The following CEP128 variants were observed in gnomAD, a reference collection of about 807,000 sequenced individuals.
CEP128 encodes the protein centrosomal protein 128, also known as centrosomal protein 128kDa.
Under a neutral mutation model 156.7 loss-of-function variants are expected in CEP128, and 132 were observed. The ratio of observed to expected loss-of-function variants is 0.84; its 90% CI spans 0.73 to 0.97. The LOEUF is 0.97. CEP128 is among the 50% of genes least tolerant of loss of function. The pLI, the probability that CEP128 is intolerant of heterozygous loss-of-function variation, is 0.00. For missense variants in CEP128, 1,252 were observed against 1,281.9 expected (o/e 0.98, Z 0.36); for synonymous variants, 469 against 448.9 (o/e 1.04, Z -0.57).
In CEP128 at chr14:80,916,534, G is replaced by A. The variant is rs1452369993; in HGVS notation, c.14C>T (p.Ser5Phe). MAES[S>F]SESDHFRCRD... ...ACAGCGGAAGTGATCTGATTCGCTGGATGATTCTGCCATTGATGTACACAA... is the reference window on the plus strand; with the variant it reads ...ACAGCGGAAGTGATCTGATTCGCTGAATGATTCTGCCATTGATGTACACAA... The change falls in exon 3 of 25, where the codon TCC (serine) becomes TTC (phenylalanine). Residue 5 changes from serine (S) to phenylalanine (F), a missense_variant. Ser to Phe is a radical substitution (Grantham distance 155). Coordinates refer to ENST00000555265, the MANE Select transcript of CEP128 (RefSeq NM_152446.5). The A allele has an allele frequency of 6.2e-7, 1 of 1,613,278 alleles. No individual in the cohort carries two copies. The highest frequency in any genetic ancestry group is 1.7e-5 in the Admixed American group (1 of 59,880).
In CEP128 at chr14:80,649,252, TC is replaced by T. The variant is rs369972643; in HGVS notation, c.2807-68830del. Among the ~76,000 whole-genome samples, 55 of 152,148 alleles carry T rather than the reference TC, an allele frequency of 3.6e-4. 1 individual carries two copies. In the East Asian group the frequency reaches 0.01, roughly 28 times the overall value. ...CTCCAATTTTATACCTTCGTCCTCT[TC>T]CCCACCCCTCCTTAACTTGTGGGTA... On this transcript the variant is annotated intron_variant, in intron 19 of 24. Transcript: ENST00000555265.
At chr14:80,644,298 C>T (rs368310771) in intron 19 of CEP128, among the ~76,000 whole-genome samples, 188 of 152,228 alleles carry the variant, frequency 1.2e-3, no homozygotes, top group African/African-American at 4.1e-3. Flanking sequence ...AACTGACATA[C>T]GATGTTTCTT....
At chr14:80,896,764 T>G (rs1221057981) in intron 7 of CEP128, among the ~76,000 whole-genome samples, 1 of 152,154 alleles carries the variant, frequency 6.6e-6, no homozygotes, top group East Asian at 1.9e-4. Context: ...ATCATTGATA[T>G]TTTCCTCCCA....
chr14:80,949,861 C>G (rs1210020845), intron 2 of CEP128, among the ~76,000 whole-genome samples: 3 of 151,988 alleles, frequency 2.0e-5, no homozygotes, highest in African/African-American at 7.3e-5. Flanking sequence ...AAAAATCAAC[C>G]AATCTAAACT....
chr14:80,605,615 A>C (rs1892744998), intron 19 of CEP128, among the ~76,000 whole-genome samples: 1 of 152,130 alleles, frequency 6.6e-6, no homozygotes, highest in African/African-American at 2.4e-5. Flanking sequence ...AAAAAAGAAC[A>C]AAGTGGATTT....
chr14:80,879,036 CA>C (rs1207408914), intron 8 of CEP128, among the ~76,000 whole-genome samples: 1 of 152,202 alleles, frequency 6.6e-6, no homozygotes, highest in African/African-American at 2.4e-5. Context: ...GTCACTACCA[CA>C]AATTCCTTCA....
chr14:80,923,306 C>A (rs1054913288), intron 2 of CEP128, among the ~76,000 whole-genome samples: 1 of 152,182 alleles, frequency 6.6e-6, no homozygotes, highest in African/African-American at 2.4e-5. Context: ...AATACTCCAA[C>A]TAGAGAGAGT....
intron 19 of CEP128, among the ~76,000 whole-genome samples, chr14:80,728,679 T>C (rs980673768): frequency 5.9e-5 from 9 of 152,184 alleles, no homozygotes; most frequent in Non-Finnish European, 1.2e-4. Context: ...TTGATTCTTA[T>C]TGTTAACGTA....
At chr14:80,871,148 G>C (rs749188947) in intron 8 of CEP128, among the ~76,000 whole-genome samples, 1 of 152,004 alleles carries the variant, frequency 6.6e-6, no homozygotes, top group Non-Finnish European at 1.5e-5. Flanking sequence ...GCCACATAAC[G>C]TAGGCACTAT....
At chr14:80,572,596 A>G (rs1891188550) in intron 20 of CEP128, among the ~76,000 whole-genome samples, 1 of 152,202 alleles carries the variant, frequency 6.6e-6, no homozygotes, top group Non-Finnish European at 1.5e-5. Flanking sequence ...CTGTAACACA[A>G]ATGAGATTGC....
At chr14:80,732,895 G>T (rs1898347292) in intron 19 of CEP128, among the ~76,000 whole-genome samples, 1 of 152,012 alleles carries the variant, frequency 6.6e-6, no homozygotes, top group Non-Finnish European at 1.5e-5. Flanking sequence ...TAAGTATGAA[G>T]CAATAAAGAG....
chr14:80,690,400 C>T (rs1237444274), intron 19 of CEP128, among the ~76,000 whole-genome samples: 4 of 148,716 alleles, frequency 2.7e-5, no homozygotes, highest in Non-Finnish European at 5.9e-5. Context: ...TAGGCAAAAA[C>T]AGCGAAACTC....
chr14:80,513,217 C>A (rs1419122771), intron 23 of CEP128, among the ~76,000 whole-genome samples: 1 of 152,106 alleles, frequency 6.6e-6, no homozygotes, highest in Non-Finnish European at 1.5e-5. Flanking sequence ...TTCCCCTTCA[C>A]ATGTGAAGGA....
At chr14:80,860,846 C>T (rs1887479152) in intron 9 of CEP128, among the ~76,000 whole-genome samples, 1 of 151,778 alleles carries the variant, frequency 6.6e-6, no homozygotes, top group South Asian at 2.1e-4. Flanking sequence ...AAAAATCTGT[C>T]GATTAATAAA....
chr14:80,670,544 C>T (rs1001267511), intron 19 of CEP128, among the ~76,000 whole-genome samples: 2 of 152,248 alleles, frequency 1.3e-5, no homozygotes, highest in African/African-American at 4.8e-5. Flanking sequence ...AAGTCAAATA[C>T]TACATGTTCT....
chr14:80,713,224 T>A (rs1461738017), intron 19 of CEP128, among the ~76,000 whole-genome samples: 1 of 152,176 alleles, frequency 6.6e-6, no homozygotes. Flanking sequence ...TGGTAGTTAA[T>A]ATAAAAGACT....
At chr14:80,646,764 C>A (rs1894650902) in intron 19 of CEP128, among the ~76,000 whole-genome samples, 1 of 151,326 alleles carries the variant, frequency 6.6e-6, no homozygotes, top group African/African-American at 2.4e-5. Context: ...ATGTATTCAA[C>A]AAACTTACTG....
chr14:80,616,855 A>C (rs1038168398), intron 19 of CEP128, among the ~76,000 whole-genome samples: 1 of 152,234 alleles, frequency 6.6e-6, no homozygotes, highest in Non-Finnish European at 1.5e-5. Context: ...ATGTAGTTTA[A>C]AAACAAAAAA....
chr14:80,935,226 C>T (rs1885714144), intron 2 of CEP128, among the ~76,000 whole-genome samples: 1 of 152,158 alleles, frequency 6.6e-6, no homozygotes, highest in Non-Finnish European at 1.5e-5. Flanking sequence ...AGTAAAGGTA[C>T]TCTTCCCTAA....
Sources: gnomAD v4.1 joint callset for allele counts (sites outside exome capture counted in the v4.1 genomes callset) on GRCh38, gnomAD v4.1.1 for gene constraint, MANE v1.5 for transcripts, NCBI Gene and HGNC (gene_info 2026-07-23, HGNC 2026-07-21) for gene names.